KLF8: variants seen among roughly 807,000 people sequenced by gnomAD.
KLF8 encodes KLF transcription factor 8.
Under a neutral mutation model 18.2 loss-of-function variants are expected in KLF8, and 10 were observed. That is an observed-to-expected ratio of 0.55 (90% CI 0.34 to 0.93). The LOEUF is 0.93. Among genes scored for constraint, KLF8 ranks in the 40% least tolerant of loss-of-function variants. The pLI, the probability that KLF8 is intolerant of heterozygous loss-of-function variation, is 0.02. For synonymous variants in KLF8, 109 were observed against 97.3 expected (o/e 1.12, Z -0.71); for missense variants, 264 against 277.9 (o/e 0.95, Z 0.36).
the KLF8 span, among the ~76,000 whole-genome samples, chrX:56,183,641 T>TA: frequency 1.7e-3 from 189 of 110,078 alleles, no homozygotes; most frequent in African/African-American, 2.5e-3. Flanking sequence ...TAACCTCAAG[T>TA]AAAAAAAATT....
intron 2 of KLF8, among the ~76,000 whole-genome samples, chrX:56,260,998 A>C (rs1315404962): frequency 1.8e-5 from 2 of 111,862 alleles, no homozygotes; most frequent in Non-Finnish European, 3.8e-5. Context: ...TGAAAAATGG[A>C]AACTTTGTAA....
At chrX:56,158,371 G>A in the KLF8 span, among the ~76,000 whole-genome samples, 409 of 111,705 alleles carry the variant, frequency 3.7e-3, 1 homozygote, top group Middle Eastern at 4.6e-3. Context: ...TTGGCAACGC[G>A]AGCTCTTTTT....
At chrX:56,139,631 G>T in the KLF8 span, among the ~76,000 whole-genome samples, 35 of 111,694 alleles carry the variant, frequency 3.1e-4, no homozygotes, top group Non-Finnish European at 5.8e-4. Flanking sequence ...ATTAACTCAA[G>T]ATGGATTAAG....
chrX:55,935,036 A>G, the KLF8 span, among the ~76,000 whole-genome samples: 1 of 112,090 alleles, frequency 8.9e-6, no homozygotes, highest in Non-Finnish European at 1.9e-5. Context: ...GTTTCATACT[A>G]ATACTAACCA....
the KLF8 span, among the ~76,000 whole-genome samples, chrX:55,940,948 C>T: frequency 9.0e-6 from 1 of 111,542 alleles, no homozygotes; most frequent in Non-Finnish European, 1.9e-5. Flanking sequence ...GGCCATACTG[C>T]CCAAGGTAAT....
rs2067273506 is a variant in KLF8 at position 56,286,839 on chromosome X, T to G, written c.*2345T>G. ...ATAATTGCTAACGCACTAGGCGATA[T>G]CTAGGGCCAGTCTGTTAAAGGGGAC... On this transcript the variant is annotated 3_prime_UTR_variant, in exon 6 of 6. Transcript: ENST00000468660. The G allele has an allele frequency of 8.9e-6, 1 of 112,081 alleles. No individual in the cohort carries two copies. The highest frequency in any genetic ancestry group is 9.5e-5 in the Admixed American group (1 of 10,553). 9.2% of individuals were successfully genotyped at this position (112,081 alleles called of 1,213,427 possible).
the KLF8 span, among the ~76,000 whole-genome samples, chrX:56,160,566 G>C: frequency 9.0e-6 from 1 of 111,233 alleles, no homozygotes; most frequent in African/African-American, 3.3e-5. Flanking sequence ...TATGAATCTG[G>C]GTGCTCCTGT....
the KLF8 span, chrX:55,908,236 G>T: frequency 3.3e-5 from 8 of 241,795 alleles, no homozygotes; most frequent in Admixed American, 5.5e-4. Context: ...GACAAAGGGG[G>T]CGGGGAGGCC....
chrX:56,233,460 G>A (rs907165994), intron 1 of KLF8, 119 bp downstream of exon 1: 1 of 568,027 alleles, frequency 1.8e-6, no homozygotes, highest in African/African-American at 2.2e-5. Context: ...AGTGGGGGCG[G>A]GAGCGGAAGG....
At chrX:55,935,506 A>C in the KLF8 span, among the ~76,000 whole-genome samples, 2 of 112,610 alleles carry the variant, frequency 1.8e-5, no homozygotes, top group Non-Finnish European at 3.7e-5. Context: ...CTTTGTTTCA[A>C]GAATATTCTT....
chrX:56,121,938 C>T, the KLF8 span, among the ~76,000 whole-genome samples: 1 of 111,897 alleles, frequency 8.9e-6, no homozygotes, highest in Non-Finnish European at 1.9e-5. Context: ...GAATCAGTAT[C>T]TACATCTGCA....
At chrX:56,202,455 T>C in the KLF8 span, among the ~76,000 whole-genome samples, 3 of 111,043 alleles carry the variant, frequency 2.7e-5, no homozygotes, top group African/African-American at 9.8e-5. Context: ...TTTAGTTATT[T>C]GTACATGTAC....
the KLF8 span, among the ~76,000 whole-genome samples, chrX:56,098,188 C>T: frequency 8.9e-6 from 1 of 112,036 alleles, no homozygotes; most frequent in South Asian, 3.7e-4. Flanking sequence ...CTTTCACCTT[C>T]TGCTATGAAT....
At chrX:56,212,536 G>T in the KLF8 span, among the ~76,000 whole-genome samples, 3 of 111,928 alleles carry the variant, frequency 2.7e-5, no homozygotes, top group Non-Finnish European at 5.6e-5. Context: ...TGGTTTAAAT[G>T]CTCCTCCTGT....
At chrX:56,161,817 C>T in the KLF8 span, among the ~76,000 whole-genome samples, 1 of 112,154 alleles carries the variant, frequency 8.9e-6, no homozygotes, top group African/African-American at 3.2e-5. Context: ...TGGTGACGAG[C>T]TGCATTCCTT....
chrX:56,086,570 G>T, the KLF8 span, among the ~76,000 whole-genome samples: 3 of 110,823 alleles, frequency 2.7e-5, no homozygotes, highest in South Asian at 1.2e-3. Flanking sequence ...TTTTATGTTA[G>T]TCTATAGTCT....
the KLF8 span, among the ~76,000 whole-genome samples, chrX:56,197,778 C>T: frequency 9.0e-6 from 1 of 111,093 alleles, no homozygotes; most frequent in Non-Finnish European, 1.9e-5. Context: ...GGCAGAGACA[C>T]AACAAAAAAA....
At chrX:56,248,570 C>G (rs1461413060) in intron 1 of KLF8, among the ~76,000 whole-genome samples, 5 of 111,428 alleles carry the variant, frequency 4.5e-5, no homozygotes, top group South Asian at 3.8e-4. Flanking sequence ...GTTGTACTTG[C>G]TAGAAATAAT....
At chrX:56,221,030 T>G in the KLF8 span, among the ~76,000 whole-genome samples, 1 of 112,289 alleles carries the variant, frequency 8.9e-6, no homozygotes, top group African/African-American at 3.2e-5. Context: ...CTAATTTATA[T>G]TCTCGGCAAA....
Sources: gnomAD v4.1 joint callset for allele counts (sites outside exome capture counted in the v4.1 genomes callset) on GRCh38, gnomAD v4.1.1 for gene constraint, MANE v1.5 for transcripts, NCBI Gene and HGNC (gene_info 2026-07-23, HGNC 2026-07-21) for gene names.